The following TOP1 variants were observed in gnomAD, a reference collection of about 807,000 sequenced individuals.
The protein encoded by TOP1 is DNA topoisomerase 1.
TOP1 carries 10 observed loss-of-function variants against 111.1 expected under a neutral mutation model. That is an observed-to-expected ratio of 0.09 (90% confidence interval 0.06 to 0.15). The LOEUF (loss-of-function observed/expected upper bound fraction) is 0.15. Ranked by LOEUF, TOP1 falls within the 10% of genes least tolerant of loss-of-function variation. The probability of loss-of-function intolerance (pLI) is 1.00; values close to 1 mark genes in which losing one functional copy is unlikely to be tolerated. For synonymous variants in TOP1, 271 were observed against 302.9 expected (o/e 0.89, Z 1.10); for missense variants, 474 against 926.7 (o/e 0.51, Z 6.34).
intron 2 of TOP1, among the ~76,000 whole-genome samples, chr20:41,050,169 ACCATG>A (rs2033386637): frequency 6.6e-6 from 1 of 152,130 alleles, no homozygotes; most frequent in Non-Finnish European, 1.5e-5. Context: ...GGTGTGCATC[ACCATG>A]CCCGGCTAAT....
At chr20:41,064,818 G>A (rs1338069858) in intron 3 of TOP1, among the ~76,000 whole-genome samples, 1 of 151,594 alleles carries the variant, frequency 6.6e-6, no homozygotes, top group Non-Finnish European at 1.5e-5. Context: ...TTTCCCTATG[G>A]CCTCCTGGAC....
Position 41,095,760 on chromosome 20 carries a change from AATT to A in TOP1, c.731-1455_731-1453del, listed in dbSNP as rs1303129603. ...ATAAAGAATGTGGGCAGCCTTGGTG[AATT>A]ATTAATACCTGTGTAATAGTAAGGT... On this transcript the variant is annotated intron_variant, in intron 9 of 20. Coordinates refer to ENST00000361337, the MANE Select transcript of TOP1 (RefSeq NM_003286.4). The surrounding 1 kb of genome is among the most constrained non-coding windows in gnomAD (Gnocchi z 4.6). Among the ~76,000 whole-genome samples, 2 of 152,210 alleles carry A rather than the reference AATT, an allele frequency of 1.3e-5. No individual in the cohort carries two copies. The highest frequency in any genetic ancestry group is 4.8e-5 in the African/African-American group (2 of 41,444).
At chr20:41,064,420 A>G (rs2033583053) in intron 3 of TOP1, among the ~76,000 whole-genome samples, 2 of 152,190 alleles carry the variant, frequency 1.3e-5, no homozygotes, top group African/African-American at 4.8e-5. Flanking sequence ...TTTGGCTTTA[A>G]TGCTTCCATG....
intron 2 of TOP1, among the ~76,000 whole-genome samples, chr20:41,048,694 G>A (rs878936600): frequency 2.6e-5 from 4 of 152,174 alleles, no homozygotes; most frequent in Non-Finnish European, 5.9e-5. Context: ...CTCTAATTGC[G>A]CCTAGAATCT....
chr20:41,096,292 T>C (rs2033981637), intron 9 of TOP1, among the ~76,000 whole-genome samples: 1 of 152,220 alleles, frequency 6.6e-6, no homozygotes, highest in Non-Finnish European at 1.5e-5. Context: ...GATCTGGAAC[T>C]CCTGACCTCA....
At chr20:41,066,248 T>C (rs1030264054) in intron 3 of TOP1, among the ~76,000 whole-genome samples, 4 of 151,706 alleles carry the variant, frequency 2.6e-5, no homozygotes, top group Admixed American at 2.6e-4. Context: ...ACAAAAATCT[T>C]CTCTTAAAAA....
rs558782036 is a variant in TOP1 at position 41,033,786 on chromosome 20, A to C, written c.58+4331A>C. On this transcript the variant is annotated intron_variant, in intron 2 of 20. Coordinates refer to ENST00000361337, the MANE Select transcript of TOP1 (RefSeq NM_003286.4). Reference sequence around the variant, plus strand: ...GCCTTTTGCCATCTTTTTAGTGCAAAGTAAAACTGATATTCTTCAAATCCA... The same window carrying C: ...GCCTTTTGCCATCTTTTTAGTGCAACGTAAAACTGATATTCTTCAAATCCA... 4.6e-5 allele frequency among the ~76,000 whole-genome samples: 7 copies of C among 152,324 alleles called. No homozygotes were observed. The South Asian group carries it at 1.4e-3, about 32-fold the overall frequency.
At chr20:41,052,153 A>T (rs1568676477) in intron 2 of TOP1, among the ~76,000 whole-genome samples, 1 of 152,180 alleles carries the variant, frequency 6.6e-6, no homozygotes, top group South Asian at 2.1e-4. Context: ...TAGATCTAGT[A>T]GTTAAGTGAC....
At position 41,120,334 on chromosome 20, in the gene TOP1, G is replaced by T. The variant is rs147424182; in HGVS notation, c.1951-1362G>T. Among the ~76,000 whole-genome samples the T allele has an allele frequency of 2.2e-3, 330 of 152,314 alleles. 1 individual carries two copies. Among genetic ancestry groups the T allele is most frequent in the African/African-American group, 6.5e-3 (271 of 41,564 alleles). On this transcript the variant is annotated intron_variant, in intron 18 of 20. Transcript: ENST00000361337. ...ATTTAGTGATCCTCTCACAATGGTG[G>T]CCTCTGTTTCCAATCTTGGGCTGTG...
chr20:41,116,255 A>G lies in TOP1; in HGVS notation c.1708-23A>G. On this transcript the variant is annotated intron_variant, in intron 16 of 20. Transcript: ENST00000361337. This position sits in a 1 kb window ranked among gnomAD's most constrained non-coding sequence, Gnocchi z 5.6. ...AGCAGGTAGTATAGCTTTGACCTAA[A>G]TCTGTTGCTTTGTCTCCTCCAGACT... 1 of 1,554,870 alleles carries G rather than the reference A, an allele frequency of 6.4e-7. No homozygotes were observed. The highest frequency in any genetic ancestry group is 1.1e-5 in the South Asian group (1 of 89,744).
At chr20:41,052,883 G>C (rs923642961) in intron 2 of TOP1, among the ~76,000 whole-genome samples, 1 of 152,000 alleles carries the variant, frequency 6.6e-6, no homozygotes, top group Admixed American at 6.6e-5. Flanking sequence ...CCAGCTACTC[G>C]GGAGCCTGAG....
rs1209801933 is a variant in TOP1 at position 41,069,835 on chromosome 20, A to G, written c.156-6336A>G. On this transcript the variant is annotated intron_variant, in intron 3 of 20. Coordinates refer to ENST00000361337, the MANE Select transcript of TOP1 (RefSeq NM_003286.4). The surrounding 1 kb of genome is among the most constrained non-coding windows in gnomAD (Gnocchi z 4.1). ...TTTAAGATTTCATGGTGGAGACAGC[A>G]TTTGAGCTAGCCATTCAAAGATGGT... Among the ~76,000 whole-genome samples, 4 of 152,196 alleles carry G rather than the reference A, an allele frequency of 2.6e-5. No individual in the cohort carries two copies. The highest frequency in any genetic ancestry group is 5.9e-5 in the Non-Finnish European group (4 of 68,032).
chr20:41,088,930 G>A (rs1290433334), intron 8 of TOP1, among the ~76,000 whole-genome samples: 1 of 150,434 alleles, frequency 6.6e-6, no homozygotes, highest in African/African-American at 2.5e-5. Flanking sequence ...TCATATTGTT[G>A]TGCACCATCA....
intron 2 of TOP1, among the ~76,000 whole-genome samples, chr20:41,047,440 A>G (rs2122604683): frequency 6.6e-6 from 1 of 152,352 alleles, no homozygotes; most frequent in African/African-American, 2.4e-5. Context: ...CCTAGGCGGT[A>G]GTAGGCTATA....
intron 3 of TOP1, among the ~76,000 whole-genome samples, chr20:41,063,487 G>T (rs2033570933): frequency 6.6e-6 from 1 of 152,104 alleles, no homozygotes; most frequent in Non-Finnish European, 1.5e-5. Flanking sequence ...GAAGGTAGTT[G>T]TTTTTTTAAG....
chr20:41,092,533 G>A lies in TOP1; in HGVS notation c.676G>A (p.Val226Ile), dbSNP rs1360819731. Residue 226 changes from valine (V) to isoleucine (I), a missense_variant, in exon 9 of 21, where the codon GTA becomes ATA. Around this residue, in one of 14 missense-constraint regions of TOP1, gnomAD observed 11 missense variants for 36.8 expected, o/e 0.30. Transcript: ENST00000361337. The surrounding 1 kb of genome is among the most constrained non-coding windows in gnomAD (Gnocchi z 4.3). ...KWKFLEHKGP[V>I]FAPPYEPLPE... ...GAAATTCCTAGAACATAAAGGTCCA[G>A]TATTTGCCCCACCATATGAGCCTCT... 1.2e-6 allele frequency: 2 copies of A among 1,608,734 alleles called. No individual in the cohort carries two copies. The highest frequency in any genetic ancestry group is 1.1e-5 in the South Asian group (1 of 90,044).
chr20:41,070,981 A>C (rs568178440), intron 3 of TOP1, among the ~76,000 whole-genome samples: 5 of 152,222 alleles, frequency 3.3e-5, no homozygotes, highest in African/African-American at 1.2e-4. Flanking sequence ...ACCGATATCA[A>C]ATGTGCTTAG....
intron 2 of TOP1, among the ~76,000 whole-genome samples, chr20:41,031,919 A>G (rs1428106032): frequency 6.6e-6 from 1 of 152,256 alleles, no homozygotes; most frequent in Non-Finnish European, 1.5e-5. Context: ...ATCTGCCACC[A>G]TAAAGTTCTG....
In TOP1 at chr20:41,034,037, G is replaced by A. The variant is rs930917461; in HGVS notation, c.58+4582G>A. 6.6e-6 allele frequency among the ~76,000 whole-genome samples: 1 copy of A among 152,006 alleles called. No individual in the cohort carries two copies. The highest frequency in any genetic ancestry group is 2.4e-5 in the African/African-American group (1 of 41,380). On this transcript the variant is annotated intron_variant, in intron 2 of 20. Coordinates refer to ENST00000361337, the MANE Select transcript of TOP1 (RefSeq NM_003286.4). This position sits in a 1 kb window ranked among gnomAD's most constrained non-coding sequence, Gnocchi z 4.0. ...TAAAATATATTGGATGTGGAGGTGA[G>A]AGTCAGTTGAGTGAATTTTCTGTGT...
Sources: gnomAD v4.1 joint callset for allele counts (sites outside exome capture counted in the v4.1 genomes callset) on GRCh38, gnomAD v4.1.1 for gene constraint, gnomAD v4.1.1 regional missense constraint, Gnocchi (gnomAD v3.1) non-coding constraint, MANE v1.5 for transcripts, NCBI Gene and HGNC (gene_info 2026-07-23, HGNC 2026-07-21) for gene names.